ARHGEF12: variants seen among roughly 807,000 people sequenced by gnomAD.
ARHGEF12 encodes KMT2A/ARHGEF12 fusion protein.
In ARHGEF12, 66 loss-of-function variants were observed where a neutral mutation model predicts 211.2. That is an observed-to-expected ratio of 0.31 (90% confidence interval 0.26 to 0.38). ARHGEF12 has a LOEUF of 0.38. Among genes scored for constraint, ARHGEF12 ranks in the 10% least tolerant of loss-of-function variants. The pLI, the probability that ARHGEF12 is intolerant of heterozygous loss-of-function variation, is 1.00. For missense variants in ARHGEF12, 1,429 were observed against 1,869.5 expected, an observed-to-expected ratio of 0.76 and a Z score of 4.34; for synonymous variants, 592 against 638.4, an observed-to-expected ratio of 0.93 and a Z score of 1.09.
chr11:120,340,997 C>G (rs1942518088), intron 1 of ARHGEF12, among the ~76,000 whole-genome samples: 1 of 152,126 alleles, frequency 6.6e-6, no homozygotes, highest in African/African-American at 2.4e-5. Flanking sequence ...AATATGTTAA[C>G]CTTGGAATAC....
rs1946100222 is a variant in ARHGEF12, at chr11:120,448,164, A to G, written c.1623-70A>G. 5.1e-6 allele frequency: 6 copies of G among 1,181,108 alleles called. No individual in the cohort carries two copies. The African/African-American group carries it at 9.2e-5, about 18-fold the overall frequency. 73.2% of individuals were successfully genotyped at this position (1,181,108 alleles called of 1,614,324 possible). On this transcript the variant is annotated intron_variant, in intron 19 of 40. Transcript: ENST00000397843. Reference sequence around the variant, plus strand: ...TTCCAACCTTGGGGTTTTGGAAATCATTTGATGTCTTTATTCTACCAACCC... The same window carrying G: ...TTCCAACCTTGGGGTTTTGGAAATCGTTTGATGTCTTTATTCTACCAACCC...
intron 37 of ARHGEF12, among the ~76,000 whole-genome samples, chr11:120,478,995 C>T (rs755989693): frequency 2.6e-5 from 4 of 152,172 alleles, no homozygotes; most frequent in Non-Finnish European, 4.4e-5. Flanking sequence ...CACTGCTTCC[C>T]CCACCTCCTT....
chr11:120,465,656 C>T (rs1389012264), intron 28 of ARHGEF12, among the ~76,000 whole-genome samples: 2 of 152,060 alleles, frequency 1.3e-5, no homozygotes, highest in African/African-American at 4.8e-5. Context: ...TTAGTAGAGA[C>T]GGGGTTTCAC....
At position 120,442,164 on chromosome 11, in the gene ARHGEF12, T is replaced by A; in HGVS notation, c.1264T>A (p.Phe422Ile). The A allele has an allele frequency of 6.2e-7, 1 of 1,610,870 alleles. No homozygotes were observed. The highest frequency in any genetic ancestry group is 8.5e-7 in the Non-Finnish European group (1 of 1,179,414). Residue 422 changes from phenylalanine to isoleucine, a missense_variant, in exon 15 of 41, where the codon TTC becomes ATC. Coordinates refer to ENST00000397843, the MANE Select transcript of ARHGEF12 (RefSeq NM_015313.3). ...CAATTCCAAAGAAACTCGTCGCATC[T>A]TCCTTGAGTTTCATCAGTTCTTTCT... is the stretch of plus-strand genomic sequence containing the variant. ...HTNSKETRRI[F>I]LEFHQFFLDR...
At chr11:120,337,681 A>G in intron 1 of ARHGEF12, 1 of 985,390 alleles carries the variant, frequency 1.0e-6, no homozygotes. Flanking sequence ...CAAGACAATT[A>G]CATTTTAGGA....
intron 20 of ARHGEF12, chr11:120,448,591 T>C: frequency 2.0e-6 from 1 of 507,322 alleles, no homozygotes; most frequent in Non-Finnish European, 3.5e-6. Flanking sequence ...CTATTTCTGA[T>C]TCTGTTCATG....
At chr11:120,344,224 C>G (rs1447599228) in intron 1 of ARHGEF12, among the ~76,000 whole-genome samples, 1 of 138,880 alleles carries the variant, frequency 7.2e-6, no homozygotes, top group Non-Finnish European at 1.5e-5. Flanking sequence ...CAAGATTGCA[C>G]CACTGCACTC....
intron 22 of ARHGEF12, 86 bp downstream of exon 22, chr11:120,451,810 C>G (rs1004024640): frequency 2.9e-5 from 36 of 1,234,788 alleles, no homozygotes; most frequent in Non-Finnish European, 3.9e-5. Context: ...GCAAGTTAAT[C>G]AAGACTAAAT....
chr11:120,474,168 A>G (rs1326715346), intron 31 of ARHGEF12, among the ~76,000 whole-genome samples: 1 of 152,222 alleles, frequency 6.6e-6, no homozygotes, highest in Non-Finnish European at 1.5e-5. Flanking sequence ...AGAGCCTTGG[A>G]ACTCAGAAGC....
At chr11:120,395,780 A>G (rs920417835) in intron 1 of ARHGEF12, among the ~76,000 whole-genome samples, 1 of 151,956 alleles carries the variant, frequency 6.6e-6, no homozygotes, top group African/African-American at 2.4e-5. Flanking sequence ...TTCATGATTC[A>G]ATTACCTCCC....
At chr11:120,375,634 ACC>A (rs1943704023) in intron 1 of ARHGEF12, among the ~76,000 whole-genome samples, 1 of 151,268 alleles carries the variant, frequency 6.6e-6, no homozygotes, top group Non-Finnish European at 1.5e-5. Flanking sequence ...AATAACATAT[ACC>A]CCATAGGCAT....
chr11:120,380,532 C>T (rs1448010228), intron 1 of ARHGEF12, among the ~76,000 whole-genome samples: 1 of 152,202 alleles, frequency 6.6e-6, no homozygotes, highest in Non-Finnish European at 1.5e-5. Flanking sequence ...GCCCCCCAGT[C>T]TGCGTTTGCT....
Position 120,424,346 on chromosome 11 carries a change from GT to G in ARHGEF12, c.349-8del. 6.2e-7 allele frequency: 1 copy of G among 1,609,068 alleles called. No individual in the cohort carries two copies. Among genetic ancestry groups the G allele is most frequent in the Non-Finnish European group, 8.5e-7 (1 of 1,176,914 alleles). On this transcript the variant is annotated splice_polypyrimidine_tract_variant and intron_variant, in intron 6 of 40. Coordinates refer to ENST00000397843, the MANE Select transcript of ARHGEF12 (RefSeq NM_015313.3). ...AATGTATCTGACATACACTACTTTC[GT>G]TTTCTTACAGGTGAATGGAACTCTG...
At chr11:120,405,749 G>A (rs915520091) in intron 1 of ARHGEF12, among the ~76,000 whole-genome samples, 2 of 152,064 alleles carry the variant, frequency 1.3e-5, no homozygotes, top group African/African-American at 4.8e-5. Context: ...AAAATGGAAA[G>A]TATATCTCTT....
intron 1 of ARHGEF12, among the ~76,000 whole-genome samples, chr11:120,369,663 C>A (rs1307303959): frequency 6.6e-6 from 1 of 152,106 alleles, no homozygotes; most frequent in African/African-American, 2.4e-5. Context: ...CTAATTAATT[C>A]TAAATTTAAA....
At chr11:120,404,371 C>T (rs1481778203) in intron 1 of ARHGEF12, among the ~76,000 whole-genome samples, 1 of 152,162 alleles carries the variant, frequency 6.6e-6, no homozygotes, top group African/African-American at 2.4e-5. Flanking sequence ...TATATACACA[C>T]ATATGTACAC....
At position 120,457,112 on chromosome 11, in the gene ARHGEF12, C is replaced by T. The variant is rs750181268; in HGVS notation, c.2057-6C>T. On this transcript the variant is annotated splice_region_variant and splice_polypyrimidine_tract_variant and intron_variant, in intron 22 of 40. Coordinates refer to ENST00000397843, the MANE Select transcript of ARHGEF12 (RefSeq NM_015313.3). The stretch of plus-strand genomic sequence containing the variant: ...CACTCTTCAAATGTCTGACTTTTGT[C>T]TACAGGATCAAAGCAAGTTGGAGAA... 1 of 1,613,148 alleles carries T rather than the reference C, an allele frequency of 6.2e-7. No individual in the cohort carries two copies. The highest frequency in any genetic ancestry group is 8.5e-7 in the Non-Finnish European group (1 of 1,179,646).
At position 120,442,085 on chromosome 11, in the gene ARHGEF12, A is replaced by C. The variant is rs754228679; in HGVS notation, c.1204-19A>C. On this transcript the variant is annotated intron_variant, in intron 14 of 40. Coordinates refer to ENST00000397843, the MANE Select transcript of ARHGEF12 (RefSeq NM_015313.3). ...CATGGTTCCTCATTTTGTCTTTTTC[A>C]TTCCTTTCTCCACTACAGCTCTGTT... 6.5e-7 allele frequency: 1 copy of C among 1,538,698 alleles called. No homozygotes were observed. Among genetic ancestry groups the C allele is most frequent in the South Asian group, 1.2e-5 (1 of 84,386 alleles).
chr11:120,340,506 A>G (rs1565411759), intron 1 of ARHGEF12, among the ~76,000 whole-genome samples: 1 of 152,158 alleles, frequency 6.6e-6, no homozygotes, highest in East Asian at 1.9e-4. Context: ...TTTTAAAGTG[A>G]GTGTGGAAAC....
Sources: allele counts gnomAD v4.1 joint callset (sites outside exome capture counted in the v4.1 genomes callset), GRCh38; gene constraint gnomAD v4.1.1; transcripts MANE v1.5; gene names NCBI Gene and HGNC (gene_info 2026-07-23, HGNC 2026-07-21).